KCNMA1: variants seen among roughly 807,000 people sequenced by gnomAD.
The protein encoded by KCNMA1 is potassium calcium-activated channel subfamily M alpha 1.
Under a neutral mutation model 140.0 loss-of-function variants are expected in KCNMA1, and 29 were observed. That is an observed-to-expected ratio of 0.21 (90% CI 0.15 to 0.28). The LOEUF (loss-of-function observed/expected upper bound fraction) is 0.28, where lower values mean the gene tolerates loss of function less well. Among genes scored for constraint, KCNMA1 ranks in the 10% least tolerant of loss-of-function variants. The pLI is 1.00. For missense variants in KCNMA1, 880 were observed against 1,602.2 expected, an observed-to-expected ratio of 0.55 and a Z score of 7.70; for synonymous variants, 612 against 611.9, an observed-to-expected ratio of 1.00 and a Z score of 0.00.
intron 2 of KCNMA1, among the ~76,000 whole-genome samples, chr10:77,259,929 C>T (rs1359352883): frequency 6.6e-6 from 1 of 152,112 alleles, no homozygotes; most frequent in East Asian, 1.9e-4. Context: ...GTGTCTCAAT[C>T]AGTATTTGTT....
intron 14 of KCNMA1, among the ~76,000 whole-genome samples, chr10:77,040,480 C>T (rs1220109895): frequency 6.6e-6 from 1 of 152,066 alleles, no homozygotes; most frequent in South Asian, 2.1e-4. Flanking sequence ...AAAATGTATA[C>T]CTGTTCATAC....
At chr10:77,079,272 A>C (rs1194882186) in intron 13 of KCNMA1, among the ~76,000 whole-genome samples, 1 of 151,834 alleles carries the variant, frequency 6.6e-6, no homozygotes, top group African/African-American at 2.4e-5. Context: ...CTCCATCCCA[A>C]AAAAAAAGAA....
intron 1 of KCNMA1, among the ~76,000 whole-genome samples, chr10:77,518,541 A>G (rs1355187082): frequency 6.6e-6 from 1 of 152,188 alleles, no homozygotes; most frequent in Non-Finnish European, 1.5e-5. Flanking sequence ...ATCTAGGAGC[A>G]CGTGTTAGTA....
intron 23 of KCNMA1, among the ~76,000 whole-genome samples, chr10:76,917,531 T>C (rs1216373130): frequency 6.6e-6 from 1 of 152,180 alleles, no homozygotes; most frequent in African/African-American, 2.4e-5. Context: ...ATAGGCTTCT[T>C]TCATTTTGCT....
intron 1 of KCNMA1, among the ~76,000 whole-genome samples, chr10:77,464,248 G>A (rs2097934411): frequency 2.0e-5 from 3 of 152,090 alleles, no homozygotes; most frequent in African/African-American, 7.2e-5. Flanking sequence ...GGTTCTGAGA[G>A]GCTCAAGTCA....
intron 25 of KCNMA1, among the ~76,000 whole-genome samples, chr10:76,908,244 G>A (rs1461803836): frequency 6.6e-6 from 1 of 152,148 alleles, no homozygotes; most frequent in Non-Finnish European, 1.5e-5. Flanking sequence ...CTTGCTCAAG[G>A]AGTTTGCCCA....
intron 2 of KCNMA1, among the ~76,000 whole-genome samples, chr10:77,378,708 C>T (rs193186671): frequency 2.0e-5 from 3 of 152,188 alleles, no homozygotes; most frequent in East Asian, 3.9e-4. Context: ...TGTTTAGATG[C>T]CAAATAAGAC....
intron 19 of KCNMA1, among the ~76,000 whole-genome samples, chr10:76,981,374 G>A (rs546126936): frequency 6.6e-6 from 1 of 152,260 alleles, no homozygotes; most frequent in Non-Finnish European, 1.5e-5. Context: ...CGTTTAAACG[G>A]ACCTCAATTG....
At chr10:77,351,808 C>T (rs1373198434) in intron 2 of KCNMA1, among the ~76,000 whole-genome samples, 1 of 152,186 alleles carries the variant, frequency 6.6e-6, no homozygotes, top group Non-Finnish European at 1.5e-5. Context: ...TGATATTTAA[C>T]AACAAAACAA....
At chr10:77,130,604 C>T (rs2097840929) in intron 5 of KCNMA1, among the ~76,000 whole-genome samples, 1 of 152,118 alleles carries the variant, frequency 6.6e-6, no homozygotes, top group African/African-American at 2.4e-5. Flanking sequence ...TCTAGTTAAA[C>T]ATAGCAGATG....
At chr10:77,473,130 T>C (rs2098202205) in intron 1 of KCNMA1, among the ~76,000 whole-genome samples, 1 of 152,208 alleles carries the variant, frequency 6.6e-6, no homozygotes, top group Non-Finnish European at 1.5e-5. Flanking sequence ...TTCTCCTCCC[T>C]GATTCCAAAG....
In KCNMA1 at chr10:77,060,949, C is replaced by T. The variant is rs529138946; in HGVS notation, c.1749+12148G>A. The stretch of plus-strand genomic sequence containing the variant: ...TAGAGCCCCCAGAAGGAACCAGCCC[C>T]GCCACCATGTTGACTCTAACTCCAC... On this transcript the variant is annotated intron_variant, in intron 14 of 27. Transcript: ENST00000286628. Among the ~76,000 whole-genome samples the T allele has an allele frequency of 2.1e-3, 326 of 152,176 alleles. 1 individual carries two copies. The highest frequency in any genetic ancestry group is 7.5e-3 in the African/African-American group (312 of 41,508).
chr10:77,620,732 A>G (rs771693649), intron 1 of KCNMA1, among the ~76,000 whole-genome samples: 6 of 152,204 alleles, frequency 3.9e-5, no homozygotes, highest in Non-Finnish European at 8.8e-5. Flanking sequence ...TTGGAAACCC[A>G]AATTCTTGAT....
chr10:77,396,718 G>A (rs752386658), intron 2 of KCNMA1, among the ~76,000 whole-genome samples: 16 of 152,192 alleles, frequency 1.1e-4, no homozygotes, highest in Non-Finnish European at 2.2e-4. Flanking sequence ...TAAAGAGAGA[G>A]GCTGATATTT....
chr10:76,943,908 G>A (rs1649327572), intron 23 of KCNMA1, among the ~76,000 whole-genome samples: 1 of 152,088 alleles, frequency 6.6e-6, no homozygotes, highest in African/African-American at 2.4e-5. Context: ...TAGCTCTCAT[G>A]GGCTGTGCTC....
intron 20 of KCNMA1, among the ~76,000 whole-genome samples, chr10:76,963,487 A>G (rs1246149354): frequency 2.0e-5 from 3 of 152,184 alleles, no homozygotes; most frequent in Non-Finnish European, 4.4e-5. Context: ...CAAGTTAGCA[A>G]TTGTCAACAA....
intron 2 of KCNMA1, among the ~76,000 whole-genome samples, chr10:77,335,467 G>A (rs1224256582): frequency 6.6e-6 from 1 of 152,212 alleles, no homozygotes; most frequent in Non-Finnish European, 1.5e-5. Flanking sequence ...GACTCACCTA[G>A]AGAAAATTTT....
At chr10:77,236,626 G>A (rs1401376302) in intron 3 of KCNMA1, among the ~76,000 whole-genome samples, 1 of 152,148 alleles carries the variant, frequency 6.6e-6, no homozygotes, top group Non-Finnish European at 1.5e-5. Context: ...AAATTCCACA[G>A]TAAGAAACAG....
At chr10:77,061,047 T>C (rs1019504928) in intron 14 of KCNMA1, among the ~76,000 whole-genome samples, 1 of 152,200 alleles carries the variant, frequency 6.6e-6, no homozygotes, top group African/African-American at 2.4e-5. Context: ...AGCAACTAGG[T>C]TTGTAGTAAT....
Sources: gnomAD v4.1 joint callset for allele counts (sites outside exome capture counted in the v4.1 genomes callset) on GRCh38, gnomAD v4.1.1 for gene constraint, MANE v1.5 for transcripts, NCBI Gene and HGNC (gene_info 2026-07-23, HGNC 2026-07-21) for gene names.